The following SHC4 variants were observed in gnomAD, a reference collection of about 807,000 sequenced individuals.
The protein encoded by SHC4 is SHC adaptor protein 4.
In SHC4, 41 loss-of-function variants were observed where a neutral mutation model predicts 69.4. The observed-to-expected ratio is 0.59, with a 90% CI of 0.46 to 0.77. SHC4 has a LOEUF of 0.77. SHC4 is among the 30% of genes least tolerant of loss of function. The pLI, the probability that SHC4 is intolerant of heterozygous loss-of-function variation, is 0.00. For missense variants in SHC4, 777 were observed against 783.8 expected (o/e 0.99, Z 0.10); for synonymous variants, 318 against 299.3 (o/e 1.06, Z -0.64).
intron 2 of SHC4, among the ~76,000 whole-genome samples, chr15:48,909,153 C>T (rs1406694320): frequency 1.3e-5 from 2 of 152,112 alleles, no homozygotes; most frequent in Non-Finnish European, 2.9e-5. Context: ...TGGTCATTTT[C>T]ACAATACTGA....
At chr15:48,878,130 A>G (rs369144979) in intron 4 of SHC4, 13 of 1,511,532 alleles carry the variant, frequency 8.6e-6, no homozygotes, top group East Asian at 6.8e-5. Flanking sequence ...GCCGCGCAGC[A>G]TCTGTCTTGC....
intron 3 of SHC4, among the ~76,000 whole-genome samples, chr15:48,889,080 G>T (rs1164117577): frequency 6.6e-6 from 1 of 152,086 alleles, no homozygotes; most frequent in Non-Finnish European, 1.5e-5. Context: ...TGTACTTTCC[G>T]GATAGATGAT....
intron 4 of SHC4, chr15:48,878,409 G>C (rs769474048): frequency 1.2e-6 from 2 of 1,611,964 alleles, no homozygotes; most frequent in African/African-American, 2.7e-5. Flanking sequence ...CTTGCTAACG[G>C]GCCCAACGCT....
intron 2 of SHC4, among the ~76,000 whole-genome samples, chr15:48,893,369 A>C (rs12439042): frequency 0.16 from 24,239 of 152,232 alleles, 2,315 homozygotes; most frequent in East Asian, 0.34. Context: ...GTTTCTGTGA[A>C]GTGCCAGACG....
chr15:48,912,782 T>C (rs1039452303), intron 2 of SHC4, among the ~76,000 whole-genome samples: 6 of 152,182 alleles, frequency 3.9e-5, no homozygotes, highest in African/African-American at 1.4e-4. Flanking sequence ...CCACAGGGTG[T>C]TCCCTTGATG....
intron 2 of SHC4, among the ~76,000 whole-genome samples, chr15:48,899,573 T>G (rs1232336507): frequency 6.6e-6 from 1 of 152,162 alleles, no homozygotes; most frequent in Non-Finnish European, 1.5e-5. Flanking sequence ...ATATATTACT[T>G]CTACCACTGT....
At chr15:48,875,561 T>A (rs1416917811) in intron 4 of SHC4, among the ~76,000 whole-genome samples, 11 of 152,222 alleles carry the variant, frequency 7.2e-5, no homozygotes, top group Non-Finnish European at 1.6e-4. Context: ...TGAGGCACAA[T>A]TGTTAGAAAG....
chr15:48,882,567 C>T (rs933060629), intron 4 of SHC4, among the ~76,000 whole-genome samples: 1 of 152,110 alleles, frequency 6.6e-6, no homozygotes, highest in Non-Finnish European at 1.5e-5. Flanking sequence ...TCTGCCCCAC[C>T]ACATATACCA....
chr15:48,847,591 T>C (rs1283425658), intron 9 of SHC4, among the ~76,000 whole-genome samples: 1 of 152,216 alleles, frequency 6.6e-6, no homozygotes, highest in African/African-American at 2.4e-5. Context: ...TCTATAGGTA[T>C]CTCTCAAATG....
At chr15:48,894,363 G>T (rs1465702554) in intron 2 of SHC4, among the ~76,000 whole-genome samples, 1 of 152,176 alleles carries the variant, frequency 6.6e-6, no homozygotes, top group Non-Finnish European at 1.5e-5. Context: ...TTGTGCACTT[G>T]ATCGGATAAG....
chr15:48,923,052 A>G (rs1423892679), intron 2 of SHC4, among the ~76,000 whole-genome samples: 1 of 152,234 alleles, frequency 6.6e-6, no homozygotes, highest in Non-Finnish European at 1.5e-5. Context: ...GTAGGTACCA[A>G]GAGTACAAAA....
intron 1 of SHC4, among the ~76,000 whole-genome samples, chr15:48,926,762 T>A (rs1900861269): frequency 6.6e-6 from 1 of 152,134 alleles, no homozygotes; most frequent in Admixed American, 6.5e-5. Context: ...CGCATCCTGC[T>A]GTATAATAGT....
intron 1 of SHC4, among the ~76,000 whole-genome samples, chr15:48,936,055 C>T (rs2141030714): frequency 6.6e-6 from 1 of 152,242 alleles, no homozygotes; most frequent in East Asian, 1.9e-4. Flanking sequence ...TCTGTCTCCC[C>T]TACTAGAAGA....
chr15:48,832,593 C>T (rs1330371594), intron 11 of SHC4, among the ~76,000 whole-genome samples: 1 of 152,170 alleles, frequency 6.6e-6, no homozygotes, highest in African/African-American at 2.4e-5. Context: ...AAGATTCAGA[C>T]ATTATTTCTT....
chr15:48,872,131 AT>A lies in SHC4; in HGVS notation c.851del (p.Asn284IlefsTer24), dbSNP rs780741176. The A allele has an allele frequency of 9.5e-6, 15 of 1,583,276 alleles. No homozygotes were observed. In the Admixed American group the frequency reaches 2.3e-4, roughly 24 times the overall value. ...MNLDNQQIIA[N>X]HHMQSISFAS... ...CAAATGAAATAGACTGCATATGATG[AT>A]TTGCAATAATCTGAAAAACATAAAC... On this transcript the variant is annotated frameshift_variant, in exon 5 of 12. Coordinates refer to ENST00000332408, the MANE Select transcript of SHC4 (RefSeq NM_203349.4). LOFTEE classifies it high-confidence loss of function.
chr15:48,926,167 T>C (rs760845023), intron 1 of SHC4, among the ~76,000 whole-genome samples: 9 of 152,190 alleles, frequency 5.9e-5, no homozygotes, highest in Non-Finnish European at 1.2e-4. Context: ...GTGGACTTAG[T>C]AGTCTTCTGT....
intron 11 of SHC4, among the ~76,000 whole-genome samples, chr15:48,829,334 A>C (rs1898752002): frequency 6.6e-6 from 1 of 152,134 alleles, no homozygotes; most frequent in African/African-American, 2.4e-5. Flanking sequence ...TGGAGCATTA[A>C]AATCCCCTAC....
chr15:48,939,110 A>G (rs1294766325), intron 1 of SHC4, among the ~76,000 whole-genome samples: 1 of 152,190 alleles, frequency 6.6e-6, no homozygotes, highest in African/African-American at 2.4e-5. Context: ...CAGTGGGATG[A>G]CTATACTGCT....
intron 4 of SHC4, chr15:48,878,648 C>G: frequency 6.2e-7 from 1 of 1,614,066 alleles, no homozygotes; most frequent in Non-Finnish European, 8.5e-7. Context: ...CCCGTTTGAT[C>G]AGTTAGCTTT....
Sources: gnomAD v4.1 joint callset for allele counts (sites outside exome capture counted in the v4.1 genomes callset) on GRCh38, gnomAD v4.1.1 for gene constraint, MANE v1.5 for transcripts, NCBI Gene and HGNC (gene_info 2026-07-23, HGNC 2026-07-21) for gene names.